The following CNTN4 variants were observed in gnomAD, a reference collection of about 807,000 sequenced individuals.
CNTN4 encodes the protein contactin-4.
A neutral mutation model predicts 122.5 loss-of-function variants in CNTN4; 77 were observed. The ratio of observed to expected loss-of-function variants is 0.63; its 90% confidence interval spans 0.52 to 0.76. The LOEUF (loss-of-function observed/expected upper bound fraction) is 0.76, where lower values mean the gene tolerates loss of function less well. Ranked by LOEUF, CNTN4 falls within the 30% of genes least tolerant of loss-of-function variation. The pLI is 0.00. For missense variants in CNTN4, 1,256 were observed against 1,259.1 expected, an observed-to-expected ratio of 1.00 and a Z score of 0.04; for synonymous variants, 512 against 447.0, an observed-to-expected ratio of 1.15 and a Z score of -1.83.
At chr3:2,969,519 T>TATTATTATTATG (rs1553710728) in intron 13 of CNTN4, among the ~76,000 whole-genome samples, 1 of 151,438 alleles carries the variant, frequency 6.6e-6, no homozygotes, top group Admixed American at 6.6e-5. Flanking sequence ...AAATTGGGAT[T>TATTATTATTATG]ATTATTATTA....
chr3:3,044,822 C>G (rs1397479401), intron 23 of CNTN4, among the ~76,000 whole-genome samples: 1 of 152,204 alleles, frequency 6.6e-6, no homozygotes, highest in African/African-American at 2.4e-5. Flanking sequence ...ATCGCCTCAC[C>G]TGGGAAGGGC....
chr3:2,103,711 AT>A (rs1302685276), intron 2 of CNTN4, among the ~76,000 whole-genome samples: 4 of 125,020 alleles, frequency 3.2e-5, no homozygotes, highest in African/African-American at 1.2e-4. Context: ...TTGCAAAATT[AT>A]TTTTTATTTA....
intron 3 of CNTN4, among the ~76,000 whole-genome samples, chr3:2,502,854 A>T (rs778353388): frequency 1.3e-5 from 2 of 152,146 alleles, no homozygotes; most frequent in Non-Finnish European, 2.9e-5. Flanking sequence ...TCTTAGTAAC[A>T]GTGCTTTTAT....
chr3:2,739,770 G>A (rs1329416560), intron 5 of CNTN4, among the ~76,000 whole-genome samples: 1 of 152,184 alleles, frequency 6.6e-6, no homozygotes, highest in Admixed American at 6.5e-5. Flanking sequence ...TGCAGTTATC[G>A]TTGCACATTT....
chr3:2,587,015 C>A (rs1211506794), intron 4 of CNTN4, among the ~76,000 whole-genome samples: 1 of 152,144 alleles, frequency 6.6e-6, no homozygotes, highest in African/African-American at 2.4e-5. Flanking sequence ...AAATTTTCTT[C>A]AAACATGCCT....
At chr3:2,122,708 A>G (rs192990278) in intron 2 of CNTN4, among the ~76,000 whole-genome samples, 38 of 152,348 alleles carry the variant, frequency 2.5e-4, no homozygotes, top group African/African-American at 7.5e-4. Flanking sequence ...AAATTATCAT[A>G]ATTTACATTC....
intron 3 of CNTN4, among the ~76,000 whole-genome samples, chr3:2,406,603 T>C: frequency 6.6e-6 from 1 of 152,134 alleles, no homozygotes; most frequent in Non-Finnish European, 1.5e-5. Flanking sequence ...TGTAATTTTT[T>C]AAAATATAAA....
chr3:2,469,553 C>G (rs1258689337), intron 3 of CNTN4, among the ~76,000 whole-genome samples: 2 of 152,148 alleles, frequency 1.3e-5, no homozygotes, highest in Non-Finnish European at 2.9e-5. Context: ...ATGTAGGTTT[C>G]TCATACAATT....
chr3:2,891,352 C>T (rs2094038132), intron 10 of CNTN4, among the ~76,000 whole-genome samples: 1 of 152,056 alleles, frequency 6.6e-6, no homozygotes, highest in Non-Finnish European at 1.5e-5. Flanking sequence ...GAGGCTGAGG[C>T]AGGAGAATCA....
chr3:2,388,344 T>C (rs981954656), intron 3 of CNTN4, among the ~76,000 whole-genome samples: 3 of 152,352 alleles, frequency 2.0e-5, no homozygotes, highest in African/African-American at 7.2e-5. Flanking sequence ...CTGGGATCAA[T>C]GCATTGCCAT....
At chr3:2,176,016 C>A (rs1181876681) in intron 2 of CNTN4, among the ~76,000 whole-genome samples, 1 of 152,130 alleles carries the variant, frequency 6.6e-6, no homozygotes, top group Non-Finnish European at 1.5e-5. Context: ...TGAAAAAAGG[C>A]CTGACTAGTA....
chr3:2,590,126 A>T (rs1033941627), intron 4 of CNTN4, among the ~76,000 whole-genome samples: 1 of 152,222 alleles, frequency 6.6e-6, no homozygotes, highest in Non-Finnish European at 1.5e-5. Context: ...CCTACACAAC[A>T]TAATACGATT....
Position 2,328,364 on chromosome 3 carries a change from C to A in CNTN4, c.-144-10814C>A, listed in dbSNP as rs551006245. Among the ~76,000 whole-genome samples, 82 of 151,278 alleles carry A rather than the reference C, an allele frequency of 5.4e-4. 1 individual carries two copies. The highest frequency in any genetic ancestry group is 4.0e-3 in the Admixed American group (61 of 15,198). On this transcript the variant is annotated intron_variant, in intron 2 of 24. Transcript: ENST00000418658. ...GAGCTTGCGGTGAGCCAAGATGGCG[C>A]CACCGCCCTCCAGCCTGGGCGACAG...
intron 12 of CNTN4, among the ~76,000 whole-genome samples, chr3:2,906,595 T>C (rs2094235947): frequency 6.6e-6 from 1 of 151,940 alleles, no homozygotes; most frequent in African/African-American, 2.4e-5. Flanking sequence ...CCCAGCACTT[T>C]GGGAGGCCGA....
intron 2 of CNTN4, among the ~76,000 whole-genome samples, chr3:2,221,679 T>G (rs1276700044): frequency 6.6e-6 from 1 of 151,994 alleles, no homozygotes; most frequent in African/African-American, 2.4e-5. Context: ...ATACATAAAA[T>G]CTCTTAAAAT....
chr3:2,455,492 G>T (rs2151389971), intron 3 of CNTN4, among the ~76,000 whole-genome samples: 1 of 151,850 alleles, frequency 6.6e-6, no homozygotes, highest in African/African-American at 2.4e-5. Context: ...TTTTTTAAGG[G>T]GAGACACCTT....
At chr3:2,206,601 G>A (rs192184998) in intron 2 of CNTN4, among the ~76,000 whole-genome samples, 14 of 152,026 alleles carry the variant, frequency 9.2e-5, no homozygotes, top group African/African-American at 2.7e-4. Context: ...TTTTGGAGTC[G>A]GTTTTGTTTT....
At chr3:2,175,382 G>A (rs570956490) in intron 2 of CNTN4, among the ~76,000 whole-genome samples, 9 of 151,782 alleles carry the variant, frequency 5.9e-5, no homozygotes, top group African/African-American at 1.4e-4. Flanking sequence ...TAGTAATTTC[G>A]CTTTATTTCA....
intron 2 of CNTN4, among the ~76,000 whole-genome samples, chr3:2,115,736 C>T (rs930721909): frequency 5.9e-5 from 9 of 152,160 alleles, no homozygotes; most frequent in East Asian, 3.8e-4. Flanking sequence ...TTCATACAAC[C>T]GCAGCTGCCA....
Sources: gnomAD v4.1 joint callset for allele counts (sites outside exome capture counted in the v4.1 genomes callset) on GRCh38, gnomAD v4.1.1 for gene constraint, MANE v1.5 for transcripts, NCBI Gene and HGNC (gene_info 2026-07-23, HGNC 2026-07-21) for gene names.